The following DOP1B variants were observed in gnomAD, a reference collection of about 807,000 sequenced individuals.
DOP1B encodes the protein protein DOP1B.
Under a neutral mutation model 233.5 loss-of-function variants are expected in DOP1B, and 174 were observed. The observed-to-expected ratio is 0.75, with a 90% CI of 0.66 to 0.85. The LOEUF (loss-of-function observed/expected upper bound fraction) is 0.85. Among genes scored for constraint, DOP1B ranks in the 40% least tolerant of loss-of-function variants. DOP1B has a pLI of 0.00. For missense variants in DOP1B, 2,652 were observed against 2,846.6 expected, an observed-to-expected ratio of 0.93 and a Z score of 1.56; for synonymous variants, 1,190 against 1,185.6, an observed-to-expected ratio of 1.00 and a Z score of -0.08.
Position 36,230,452 on chromosome 21 carries a change from T to C in DOP1B, c.1668T>C (p.Ser556=). Residue 556 remains serine, a splice_region_variant and synonymous_variant, in exon 14 of 37, where the codon AGT becomes AGC. Coordinates refer to ENST00000691173, the MANE Select transcript of DOP1B (RefSeq NM_001320714.2). The stretch of plus-strand genomic sequence containing the variant: ...TCACATCTTTTTATTTTTTACAGAG[T>C]CCAGTAAAAGGTGAAAACGGCAAAA... ...LDTESTSGTS[S]PVKGENGKII... 11 of 1,605,172 alleles carry C rather than the reference T, an allele frequency of 6.9e-6. No individual in the cohort carries two copies. The highest frequency in any genetic ancestry group is 9.4e-6 in the Non-Finnish European group (11 of 1,172,810).
chr21:36,184,505 C>G (rs1005326605), intron 2 of DOP1B, among the ~76,000 whole-genome samples: 2 of 152,186 alleles, frequency 1.3e-5, no homozygotes, highest in Non-Finnish European at 2.9e-5. Flanking sequence ...TGTTGCGGCC[C>G]CTTCCCACCC....
Position 36,238,671 on chromosome 21 carries a change from GAGT to G in DOP1B, c.2848_2850del (p.Val950del). On this transcript the variant is annotated inframe_deletion, in exon 17 of 37. Coordinates refer to ENST00000691173, the MANE Select transcript of DOP1B (RefSeq NM_001320714.2). ...CTGACAAGAGAGATCCAAGGCAGTC[GAGT>G]AACATCTCACAATCGCTCCTTTGAT... 6.2e-7 allele frequency: 1 copy of G among 1,614,206 alleles called. No homozygotes were observed. The highest frequency in any genetic ancestry group is 8.5e-7 in the Non-Finnish European group (1 of 1,180,046).
rs187160844 is a variant in DOP1B, at chr21:36,268,317, T to C, written c.5488-1696T>C. ...GATATCTTCCCTACTTGCACGTCTG[T>C]TTATAGGCTCTCTGCAAGAAGAAAA... On this transcript the variant is annotated intron_variant, in intron 26 of 36. Transcript: ENST00000691173. Among the ~76,000 whole-genome samples the C allele has an allele frequency of 3.5e-3, 540 of 152,328 alleles. 4 individuals are homozygous for C. The highest frequency in any genetic ancestry group is 0.013 in the African/African-American group (521 of 41,574).
chr21:36,292,084 C>A lies in DOP1B; in HGVS notation c.6516-20C>A. On this transcript the variant is annotated intron_variant, in intron 35 of 36. Coordinates refer to ENST00000691173, the MANE Select transcript of DOP1B (RefSeq NM_001320714.2). ...AAGGCCTCTTACCAGCAGACCTGAC[C>A]TTCTGTTTGTTCCCTGCAGTTATAG... is the stretch of plus-strand genomic sequence containing the variant. The A allele has an allele frequency of 1.3e-6, 2 of 1,579,564 alleles. No homozygotes were observed. The highest frequency in any genetic ancestry group is 8.6e-7 in the Non-Finnish European group (1 of 1,168,808).
chr21:36,169,310 T>G (rs1001069501), intron 2 of DOP1B: 12 of 782,432 alleles, frequency 1.5e-5, no homozygotes, highest in African/African-American at 5.1e-5. Context: ...CTCAGTAAGG[T>G]AGCCCTGGTC....
chr21:36,201,345 C>CTTTTTTTTTTTTTTTTTGTT (rs2066363991), intron 4 of DOP1B, among the ~76,000 whole-genome samples: 1 of 83,290 alleles, frequency 1.2e-5, no homozygotes, highest in Non-Finnish European at 2.2e-5. Flanking sequence ...CTATTGGATT[C>CTTTTTTTTTTTTTTTTTGTT]TTTTTTTTTT....
chr21:36,184,761 G>A (rs1254628841), intron 2 of DOP1B, among the ~76,000 whole-genome samples: 2 of 152,254 alleles, frequency 1.3e-5, no homozygotes, highest in African/African-American at 2.4e-5. Flanking sequence ...CGCTTCAGGT[G>A]TGGGAGGCTC....
chr21:36,260,164 A>T (rs1050095728), intron 23 of DOP1B, among the ~76,000 whole-genome samples: 2 of 151,128 alleles, frequency 1.3e-5, no homozygotes, highest in Non-Finnish European at 2.9e-5. Flanking sequence ...AAAAAGAAAA[A>T]AAAAAAAGGA....
intron 21 of DOP1B, among the ~76,000 whole-genome samples, chr21:36,249,711 A>G (rs971569140): frequency 6.6e-6 from 1 of 152,130 alleles, no homozygotes; most frequent in Non-Finnish European, 1.5e-5. Flanking sequence ...TCGGTCGCTC[A>G]CCATCTGTGT....
Position 36,278,051 on chromosome 21 carries a change from T to C in DOP1B, c.5789T>C (p.Leu1930Pro). 3 of 1,614,208 alleles carry C rather than the reference T, an allele frequency of 1.9e-6. No homozygotes were observed. Among genetic ancestry groups the C allele is most frequent in the Non-Finnish European group, 2.5e-6 (3 of 1,180,028 alleles). Residue 1930 changes from leucine (L) to proline (P), a missense_variant, in exon 29 of 37, where the codon CTT becomes CCT. By Grantham distance (98) the Leu-to-Pro change is moderately conservative. Around this residue, in one of 3 missense-constraint regions of DOP1B, gnomAD observed 2,617 missense variants for 2,794.3 expected, o/e 0.94. Transcript: ENST00000691173. ...EKAVPLISRLLYYVFPYLRNH... is the reference protein window; with the variant it reads ...EKAVPLISRLPYYVFPYLRNH... ...GCTGTGCCGTTAATCTCCCGTCTGC[T>C]TTACTATGTTTTTCCATACTTACGC...
intron 27 of DOP1B, among the ~76,000 whole-genome samples, chr21:36,272,823 A>C (rs1184174959): frequency 6.6e-6 from 1 of 151,312 alleles, no homozygotes; most frequent in Non-Finnish European, 1.5e-5. Flanking sequence ...CATCTCTACT[A>C]AAAATACAAA....
chr21:36,174,634 A>G (rs1259847255), intron 2 of DOP1B, among the ~76,000 whole-genome samples: 2 of 152,160 alleles, frequency 1.3e-5, no homozygotes, highest in South Asian at 2.1e-4. Context: ...CCTCCCAAGT[A>G]GCTGAGACTA....
intron 4 of DOP1B, among the ~76,000 whole-genome samples, chr21:36,207,518 T>C (rs890359143): frequency 2.2e-5 from 3 of 139,048 alleles, no homozygotes; most frequent in Non-Finnish European, 3.0e-5. Context: ...TTTTTTTTTT[T>C]TGAGGGGACT....
chr21:36,260,932 G>A (rs2067162252), intron 24 of DOP1B, 200 bp downstream of exon 24: 2 of 1,389,538 alleles, frequency 1.4e-6, no homozygotes, highest in Non-Finnish European at 1.9e-6. Context: ...TAAAATCTGT[G>A]CAGCGTACTT....
rs1056917020 is a variant in DOP1B, at chr21:36,247,532, G to C, written c.4713G>C (p.Arg1571Ser). 1.2e-6 allele frequency: 2 copies of C among 1,603,808 alleles called. No individual in the cohort carries two copies. The highest frequency in any genetic ancestry group is 1.7e-6 in the Non-Finnish European group (2 of 1,177,118). Residue 1571 changes from arginine to serine, a missense_variant, in exon 20 of 37, where the codon AGG (arginine) becomes AGC (serine). Coordinates refer to ENST00000691173, the MANE Select transcript of DOP1B (RefSeq NM_001320714.2). Reference protein sequence around the residue: ...VKLSVSTTSKRENISPDYPLT... With the variant: ...VKLSVSTTSKSENISPDYPLT... ...TTCACCACAGCACAACCTCCAAGAG[G>C]GAAAACATTTCTCCAGATTATCCAC... is the stretch of plus-strand genomic sequence containing the variant.
rs1459960894 is a variant in DOP1B, at chr21:36,219,496, T to C, written c.1250+4T>C. 1 of 1,613,980 alleles carries C rather than the reference T, an allele frequency of 6.2e-7. No homozygotes were observed. Among genetic ancestry groups the C allele is most frequent in the African/African-American group, 1.3e-5 (1 of 74,904 alleles). On this transcript the variant is annotated splice_donor_region_variant and intron_variant, in intron 10 of 36. Coordinates refer to ENST00000691173, the MANE Select transcript of DOP1B (RefSeq NM_001320714.2). ...AGAGTGGAAATTCGCTGATAAGGTA[T>C]GGGTTTGGCCTTGAACCTCACGCAT...
chr21:36,156,846 C>T lies in DOP1B; in HGVS notation c.-124C>T, dbSNP rs1337659710. On this transcript the variant is annotated 5_prime_UTR_variant, in exon 1 of 37. Transcript: ENST00000691173. ...CGGCTCTTCCTCGGCGGTTCTGGCT[C>T]CCGGCCGCGCCGCAGCCCTGCCCAG... The T allele has an allele frequency of 1.3e-5, 2 of 152,716 alleles. No individual in the cohort carries two copies. Among genetic ancestry groups the T allele is most frequent in the African/African-American group, 4.8e-5 (2 of 41,570 alleles). The allele number at this position is 152,716 out of a possible 1,614,324, so 9.5% of individuals were successfully genotyped here.
intron 4 of DOP1B, among the ~76,000 whole-genome samples, chr21:36,207,252 T>G (rs1309681852): frequency 1.3e-5 from 2 of 151,314 alleles, no homozygotes; most frequent in African/African-American, 4.9e-5. Context: ...TGACGGCCTC[T>G]CGGCTCACTG....
rs753479932 is a variant in DOP1B at position 36,239,924 on chromosome 21, C to T, written c.3036C>T (p.Ser1012=). ...TGCAGCCAAAAACCCAGAGAACCTCCATCCACTGCCTCAAGCAGGAGAACT... is the reference window on the plus strand; with the variant it reads ...TGCAGCCAAAAACCCAGAGAACCTCTATCCACTGCCTCAAGCAGGAGAACT... ...LLLQPKTQRT[S]IHCLKQENSA... The change falls in exon 18 of 37, where the codon TCC becomes TCT. Residue 1012 remains serine, a synonymous_variant. Coordinates refer to ENST00000691173, the MANE Select transcript of DOP1B (RefSeq NM_001320714.2). 1.2e-6 allele frequency: 2 copies of T among 1,610,684 alleles called. No homozygotes were observed. The highest frequency in any genetic ancestry group is 1.1e-5 in the South Asian group (1 of 90,752).
Sources: allele counts gnomAD v4.1 joint callset (sites outside exome capture counted in the v4.1 genomes callset), GRCh38; gene constraint gnomAD v4.1.1; regional missense constraint gnomAD v4.1.1; transcripts MANE v1.5; gene names NCBI Gene and HGNC (gene_info 2026-07-23, HGNC 2026-07-21).